CTNNA3: variants seen among roughly 807,000 people sequenced by gnomAD.
The protein encoded by CTNNA3 is catenin alpha 3.
CTNNA3 carries 76 observed loss-of-function variants against 95.7 expected under a neutral mutation model. That is an observed-to-expected ratio of 0.79 (90% confidence interval 0.66 to 0.96). CTNNA3 has a LOEUF of 0.96. Among genes scored for constraint, CTNNA3 ranks in the 40% least tolerant of loss-of-function variants. The pLI, the probability that CTNNA3 is intolerant of heterozygous loss-of-function variation, is 0.00. For missense variants in CTNNA3, 1,191 were observed against 1,089.8 expected, an observed-to-expected ratio of 1.09 and a Z score of -1.31; for synonymous variants, 431 against 374.4, an observed-to-expected ratio of 1.15 and a Z score of -1.74.
At chr10:67,586,817 T>A (rs1232821481) in intron 3 of CTNNA3, among the ~76,000 whole-genome samples, 1 of 152,104 alleles carries the variant, frequency 6.6e-6, no homozygotes, top group Non-Finnish European at 1.5e-5. Context: ...AAGGGATTTT[T>A]TCTGTCATAT....
At chr10:65,923,116 T>C (rs151135522) in intron 17 of CTNNA3, among the ~76,000 whole-genome samples, 3,681 of 152,168 alleles carry the variant, frequency 0.024, 57 homozygotes, top group Non-Finnish European at 0.036. Flanking sequence ...GAGATTTGGG[T>C]GGGGACACAA....
chr10:67,193,956 C>G (rs1178003213), intron 6 of CTNNA3, among the ~76,000 whole-genome samples: 7 of 152,036 alleles, frequency 4.6e-5, no homozygotes, highest in African/African-American at 1.2e-4. Context: ...CCCTTTGCTC[C>G]ACAACCTCGC....
At chr10:66,461,007 A>T (rs762513354) in intron 11 of CTNNA3, among the ~76,000 whole-genome samples, 16 of 152,154 alleles carry the variant, frequency 1.1e-4, no homozygotes, top group Non-Finnish European at 2.2e-4. Flanking sequence ...AATGTGTTCA[A>T]TGTTAGAGTC....
At chr10:66,873,371 G>GT (rs1844487942) in intron 7 of CTNNA3, among the ~76,000 whole-genome samples, 1 of 109,168 alleles carries the variant, frequency 9.2e-6, no homozygotes, top group Non-Finnish European at 2.1e-5. Context: ...TTGTTTGTTT[G>GT]TTTTTTGTTT....
At chr10:66,773,940 A>G (rs1312293534) in intron 8 of CTNNA3, among the ~76,000 whole-genome samples, 1 of 152,188 alleles carries the variant, frequency 6.6e-6, no homozygotes, top group African/African-American at 2.4e-5. Flanking sequence ...ATAAGTATGT[A>G]CCATACAATA....
At chr10:67,375,701 T>C (rs962155402) in intron 5 of CTNNA3, among the ~76,000 whole-genome samples, 3 of 152,210 alleles carry the variant, frequency 2.0e-5, no homozygotes, top group African/African-American at 7.2e-5. Flanking sequence ...CCTGTCCTAA[T>C]GAAAAGGATT....
At chr10:66,463,332 A>T (rs549206102) in intron 11 of CTNNA3, among the ~76,000 whole-genome samples, 1 of 152,232 alleles carries the variant, frequency 6.6e-6, no homozygotes, top group Non-Finnish European at 1.5e-5. Context: ...TTCTGAAACC[A>T]TGTGATGCCT....
chr10:66,176,475 A>G (rs1248931461), intron 13 of CTNNA3, among the ~76,000 whole-genome samples: 3 of 152,156 alleles, frequency 2.0e-5, no homozygotes, highest in African/African-American at 7.2e-5. Flanking sequence ...CAATGGAGAG[A>G]TCAGATAGTA....
At chr10:67,118,097 G>A (rs971533008) in intron 7 of CTNNA3, among the ~76,000 whole-genome samples, 3 of 151,952 alleles carry the variant, frequency 2.0e-5, no homozygotes, top group East Asian at 3.8e-4. Flanking sequence ...AACAGTGGGC[G>A]CATCTAAGAC....
chr10:67,160,101 C>T (rs1412810562), intron 7 of CTNNA3, among the ~76,000 whole-genome samples: 1 of 151,966 alleles, frequency 6.6e-6, no homozygotes, highest in Non-Finnish European at 1.5e-5. Flanking sequence ...AATACAGATA[C>T]TCAGAGTATA....
chr10:67,284,990 G>C (rs956544847), intron 5 of CTNNA3, among the ~76,000 whole-genome samples: 4 of 152,108 alleles, frequency 2.6e-5, no homozygotes, highest in Admixed American at 2.0e-4. Flanking sequence ...AAGCGTTTTT[G>C]CTCCTGACTA....
rs181738966 is a variant in CTNNA3, at chr10:67,348,398, T to C, written c.580-128528A>G. 3.9e-5 allele frequency among the ~76,000 whole-genome samples: 6 copies of C among 152,196 alleles called. No homozygotes were observed. In the East Asian group the frequency reaches 5.8e-4, roughly 15 times the overall value. ...GGAAAAAATGTTTACAAACCATATG[T>C]ATTAGTCCATTCTGCATTGCCATAA... is the stretch of plus-strand genomic sequence containing the variant. On this transcript the variant is annotated intron_variant, in intron 5 of 17. Transcript: ENST00000433211.
chr10:66,695,912 C>T lies in CTNNA3; in HGVS notation c.1281+70352G>A, dbSNP rs533560988. 5.6e-3 allele frequency among the ~76,000 whole-genome samples: 244 copies of T among 43,852 alleles called. 1 individual carries two copies. Among genetic ancestry groups the T allele is most frequent in the South Asian group, 0.01 (15 of 1,468 alleles). 28.8% of individuals were successfully genotyped at this position (43,852 alleles called of 152,430 possible). A position where few individuals can be genotyped will look rare whatever the true frequency, so the allele number is the denominator to read the frequency against. On this transcript the variant is annotated intron_variant, in intron 9 of 17. Coordinates refer to ENST00000433211, the MANE Select transcript of CTNNA3 (RefSeq NM_013266.4). ...CCATCTAAAAATTGGGTGAAAGAGA[C>T]GTAAGGGGGGGGGGCAATAAAAATG...
At chr10:67,208,222 C>A (rs558972238) in intron 6 of CTNNA3, among the ~76,000 whole-genome samples, 73 of 150,604 alleles carry the variant, frequency 4.8e-4, no homozygotes, top group African/African-American at 7.6e-4. Flanking sequence ...AACACACACA[C>A]AAAAAAAATT....
chr10:65,951,295 G>GA (rs944360425), intron 17 of CTNNA3, among the ~76,000 whole-genome samples: 2 of 152,144 alleles, frequency 1.3e-5, no homozygotes, highest in African/African-American at 4.8e-5. Context: ...TAAGATCAGA[G>GA]ATTCTGATTT....
chr10:66,559,201 A>C (rs1379838242), intron 10 of CTNNA3, among the ~76,000 whole-genome samples: 3 of 152,000 alleles, frequency 2.0e-5, no homozygotes, highest in Admixed American at 2.0e-4. Flanking sequence ...CTTGCAGCCA[A>C]TCAGACCCTT....
At position 66,770,922 on chromosome 10, in the gene CTNNA3, G is replaced by T. The variant is rs1840063563; in HGVS notation, c.1129-4506C>A. On this transcript the variant is annotated intron_variant, in intron 8 of 17. Transcript: ENST00000433211. The stretch of plus-strand genomic sequence containing the variant: ...TTTAATTTAAATCAAATAGCAAAAT[G>T]TGATTTTTAAAGCTTGGAATTAAAT... 2.6e-5 allele frequency among the ~76,000 whole-genome samples: 4 copies of T among 151,940 alleles called. No homozygotes were observed. The South Asian group carries it at 6.2e-4, about 24-fold the overall frequency.
chr10:66,049,708 C>A (rs1212664281), intron 15 of CTNNA3, among the ~76,000 whole-genome samples: 2 of 151,998 alleles, frequency 1.3e-5, no homozygotes, highest in Non-Finnish European at 2.9e-5. Context: ...AACCAAATAC[C>A]ACATGTTCTT....
chr10:66,271,907 T>C (rs2091290515), intron 13 of CTNNA3, among the ~76,000 whole-genome samples: 1 of 152,176 alleles, frequency 6.6e-6, no homozygotes. Context: ...CCTGAATATC[T>C]TTTTCTTACT....
Sources: gnomAD v4.1 joint callset for allele counts (sites outside exome capture counted in the v4.1 genomes callset) on GRCh38, gnomAD v4.1.1 for gene constraint, MANE v1.5 for transcripts, NCBI Gene and HGNC (gene_info 2026-07-23, HGNC 2026-07-21) for gene names.